CMTM6: variants seen among roughly 807,000 people sequenced by gnomAD.
The protein encoded by CMTM6 is CKLF-like MARVEL transmembrane domain-containing protein 6.
A neutral mutation model predicts 13.6 loss-of-function variants in CMTM6; 5 were observed. The ratio of observed to expected loss-of-function variants is 0.37; its 90% CI spans 0.19 to 0.77. The LOEUF is 0.77. Among genes scored for constraint, CMTM6 ranks in the 30% least tolerant of loss-of-function variants. CMTM6 has a pLI of 0.50. For synonymous variants in CMTM6, 99 were observed against 84.5 expected (o/e 1.17, Z -0.94); for missense variants, 196 against 218.6 (o/e 0.90, Z 0.65).
At chr3:32,488,220 AAC>A in intron 2 of CMTM6, 184 bp from the exon 3 acceptor site, 1 of 530,114 alleles carries the variant, frequency 1.9e-6, no homozygotes, top group East Asian at 3.0e-5. Flanking sequence ...CCTGTAAAAA[AAC>A]AGTATCCACA....
chr3:32,488,227 T>A, intron 2 of CMTM6, 191 bp from the exon 3 acceptor site: 1 of 518,376 alleles, frequency 1.9e-6, no homozygotes, highest in Non-Finnish European at 3.5e-6. Context: ...AAAAACAGTA[T>A]CCACACTGGG....
rs753446660 is a variant in CMTM6 at position 32,481,393 on chromosome 3, T to C, written c.*2567A>G. On this transcript the variant is annotated 3_prime_UTR_variant, in exon 4 of 4. Transcript: ENST00000205636. ...GATAAAAAAAAAAGACCCATAAGATTTAAATTGACAAATATAAAATGATTG... is the reference window on the plus strand; with the variant it reads ...GATAAAAAAAAAAGACCCATAAGATCTAAATTGACAAATATAAAATGATTG... 1.6e-4 allele frequency: 24 copies of C among 151,650 alleles called. No homozygotes were observed. Among genetic ancestry groups the C allele is most frequent in the Non-Finnish European group, 2.9e-4 (20 of 67,898 alleles). The allele number at this position is 151,650 out of a possible 1,614,324, so 9.4% of individuals were successfully genotyped here. A position where few individuals can be genotyped will look rare whatever the true frequency, so the allele number is the denominator to read the frequency against.
At chr3:32,498,418 A>C (rs1445936730) in intron 1 of CMTM6, among the ~76,000 whole-genome samples, 2 of 152,298 alleles carry the variant, frequency 1.3e-5, no homozygotes, top group East Asian at 3.9e-4. Context: ...TTTGAAGTTA[A>C]ACCCACAGTT....
At chr3:32,501,156 C>G (rs1697341300) in intron 1 of CMTM6, among the ~76,000 whole-genome samples, 1 of 150,110 alleles carries the variant, frequency 6.7e-6, no homozygotes, top group Non-Finnish European at 1.5e-5. Context: ...CGCCACTGCC[C>G]CCAGCCTTGG....
In CMTM6 at chr3:32,483,815, T is replaced by C; in HGVS notation, c.*145A>G. ...CTACTTTGTGGTGACTGACACAATATTGATAAAACTGCCTTCTTGACCTTC... is the reference window on the plus strand; with the variant it reads ...CTACTTTGTGGTGACTGACACAATACTGATAAAACTGCCTTCTTGACCTTC... On this transcript the variant is annotated 3_prime_UTR_variant, in exon 4 of 4. Transcript: ENST00000205636. 1.3e-6 allele frequency: 1 copy of C among 791,030 alleles called. No homozygotes were observed. The highest frequency in any genetic ancestry group is 3.0e-5 in the East Asian group (1 of 33,162). 49.0% of individuals were successfully genotyped at this position (791,030 alleles called of 1,614,324 possible).
At position 32,491,181 on chromosome 3, in the gene CMTM6, C is replaced by T. The variant is rs77881873; in HGVS notation, c.315+529G>A. 2.8e-3 allele frequency among the ~76,000 whole-genome samples: 425 copies of T among 152,300 alleles called. 11 individuals are homozygous for T. In the East Asian group the frequency reaches 0.067, roughly 24 times the overall value. On this transcript the variant is annotated intron_variant, in intron 2 of 3. Transcript: ENST00000205636. ...CAGGAACAAATGCATTCTTAATTCACTTATAGACAACTTTTCATAATACCA... is the reference window on the plus strand; with the variant it reads ...CAGGAACAAATGCATTCTTAATTCATTTATAGACAACTTTTCATAATACCA...
intron 1 of CMTM6, among the ~76,000 whole-genome samples, chr3:32,501,655 T>C (rs1265686519): frequency 1.3e-5 from 2 of 152,354 alleles, no homozygotes; most frequent in African/African-American, 4.8e-5. Context: ...GTTGTAAGAA[T>C]TTAAGTTCTT....
At chr3:32,497,397 A>AAG (rs1553615523) in intron 1 of CMTM6, among the ~76,000 whole-genome samples, 80 of 139,340 alleles carry the variant, frequency 5.7e-4, no homozygotes, top group Middle Eastern at 7.3e-3. Flanking sequence ...AAAAAAAAAA[A>AAG]AAAGAAAGAA....
rs1014293559 is a variant in CMTM6 at position 32,481,794 on chromosome 3, T to C, written c.*2166A>G. 2.6e-5 allele frequency: 4 copies of C among 152,228 alleles called. No individual in the cohort carries two copies. The highest frequency in any genetic ancestry group is 9.6e-5 in the African/African-American group (4 of 41,454). 9.4% of individuals were successfully genotyped at this position (152,228 alleles called of 1,614,324 possible). A position where few individuals can be genotyped will look rare whatever the true frequency, so the allele number is the denominator to read the frequency against. On this transcript the variant is annotated 3_prime_UTR_variant, in exon 4 of 4. Transcript: ENST00000205636. ...GAGTGACCAAATATACCAGTGAACA[T>C]ACTATCTTTCTGAAAAAGAAAGAAT... is the stretch of plus-strand genomic sequence containing the variant.
chr3:32,481,829 A>G lies in CMTM6; in HGVS notation c.*2131T>C, dbSNP rs965668197. On this transcript the variant is annotated 3_prime_UTR_variant, in exon 4 of 4. Coordinates refer to ENST00000205636, the MANE Select transcript of CMTM6 (RefSeq NM_017801.3). ...CTGAAAAAGAAAGAATTAAGTGACC[A>G]ACTAAGAGATCCACTTTTGCACCAA... is the stretch of plus-strand genomic sequence containing the variant. 5 of 152,372 alleles carry G rather than the reference A, an allele frequency of 3.3e-5. No individual in the cohort carries two copies. The highest frequency in any genetic ancestry group is 2.9e-5 in the Non-Finnish European group (2 of 68,036). The allele number at this position is 152,372 out of a possible 1,614,324, so 9.4% of individuals were successfully genotyped here.
At chr3:32,488,866 T>G (rs929563199) in intron 2 of CMTM6, among the ~76,000 whole-genome samples, 1 of 152,152 alleles carries the variant, frequency 6.6e-6, no homozygotes, top group African/African-American at 2.4e-5. Context: ...AGTAATGACA[T>G]ATATACTTGA....
intron 1 of CMTM6, among the ~76,000 whole-genome samples, chr3:32,499,960 C>T (rs1327697289): frequency 6.6e-6 from 1 of 151,446 alleles, no homozygotes; most frequent in Non-Finnish European, 1.5e-5. Flanking sequence ...ATTCAACCTC[C>T]GAAGACTCTA....
intron 1 of CMTM6, among the ~76,000 whole-genome samples, chr3:32,495,011 CTTTT>C (rs112734442): frequency 6.9e-6 from 1 of 144,316 alleles, no homozygotes. Flanking sequence ...CCTCCCTGTA[CTTTT>C]TTTTTTTGCA....
chr3:32,486,080 A>G (rs145512880), intron 3 of CMTM6, among the ~76,000 whole-genome samples: 1 of 152,246 alleles, frequency 6.6e-6, no homozygotes, highest in East Asian at 1.9e-4. Context: ...CTTTCACTAT[A>G]TTGGCCAAGC....
At chr3:32,488,956 A>C (rs1174062860) in intron 2 of CMTM6, among the ~76,000 whole-genome samples, 1 of 152,174 alleles carries the variant, frequency 6.6e-6, no homozygotes, top group Non-Finnish European at 1.5e-5. Context: ...TCTGAACTGC[A>C]AACTCCACTA....
At position 32,488,996 on chromosome 3, in the gene CMTM6, C is replaced by T. The variant is rs193103975; in HGVS notation, c.316-960G>A. 3.7e-4 allele frequency among the ~76,000 whole-genome samples: 57 copies of T among 152,272 alleles called. No homozygotes were observed. The South Asian group carries it at 5.6e-3, about 15-fold the overall frequency. ...TAATATCAATAAAACTGGCCAGGCA[C>T]GGTGGCTCACGCCTGTAATCTCAGC... is the stretch of plus-strand genomic sequence containing the variant. On this transcript the variant is annotated intron_variant, in intron 2 of 3. Transcript: ENST00000205636.
intron 1 of CMTM6, among the ~76,000 whole-genome samples, chr3:32,501,322 CAAGAG>C (rs1429984323): frequency 1.3e-5 from 2 of 151,684 alleles, no homozygotes; most frequent in African/African-American, 2.4e-5. Flanking sequence ...TGACAGCTGA[CAAGAG>C]AAGAGAAGGA....
chr3:32,502,181 G>C (rs1400326923), intron 1 of CMTM6, among the ~76,000 whole-genome samples: 2 of 152,224 alleles, frequency 1.3e-5, no homozygotes, highest in African/African-American at 4.8e-5. Context: ...TGCCCCCATG[G>C]GCTCGCAGCA....
At chr3:32,494,396 T>C (rs561008436) in intron 1 of CMTM6, among the ~76,000 whole-genome samples, 6 of 152,314 alleles carry the variant, frequency 3.9e-5, no homozygotes, top group Non-Finnish European at 7.4e-5. Context: ...ATACATTTCA[T>C]AGTAATAGTA....
Sources: allele counts gnomAD v4.1 joint callset (sites outside exome capture counted in the v4.1 genomes callset), GRCh38; gene constraint gnomAD v4.1.1; transcripts MANE v1.5; gene names NCBI Gene and HGNC (gene_info 2026-07-23, HGNC 2026-07-21).